Variants in ANXA8 observed in about 807,000 individuals in gnomAD.
ANXA8 encodes the protein annexin A8.
ANXA8 carries 9 observed loss-of-function variants against 26.8 expected under a neutral mutation model. The observed-to-expected ratio is 0.34, with a 90% CI of 0.20 to 0.59. ANXA8 has a LOEUF of 0.59. ANXA8 is among the 20% of genes least tolerant of loss of function. The probability of loss-of-function intolerance (pLI) is 0.84; values close to 1 mark genes in which losing one functional copy is unlikely to be tolerated. For missense variants in ANXA8, 83 were observed against 238.5 expected (o/e 0.35, Z 4.29); for synonymous variants, 39 against 94.8 (o/e 0.41, Z 3.42).
the ANXA8 span, among the ~76,000 whole-genome samples, chr10:47,668,969 G>A: frequency 1.3e-5 from 2 of 151,784 alleles, no homozygotes; most frequent in African/African-American, 2.4e-5. Context: ...GGTGGGAGGA[G>A]GTCTGTATGC....
At chr10:47,650,477 C>G in the ANXA8 span, among the ~76,000 whole-genome samples, 1 of 151,846 alleles carries the variant, frequency 6.6e-6, no homozygotes. Context: ...AAAGAACTAT[C>G]ACAGCTCCAT....
the ANXA8 span, among the ~76,000 whole-genome samples, chr10:47,503,936 TCAAAAAAA>T: frequency 7.7e-5 from 1 of 12,912 alleles, no homozygotes; most frequent in Non-Finnish European, 1.2e-4. Flanking sequence ...AGAGAGTCCA[TCAAAAAAA>T]AAAAAAAAAA....
chr10:47,702,319 T>C, the ANXA8 span, among the ~76,000 whole-genome samples: 16 of 151,336 alleles, frequency 1.1e-4, no homozygotes, highest in Non-Finnish European at 2.1e-4. Flanking sequence ...CAGATCTTCG[T>C]CTGTAAACAT....
At chr10:47,942,850 G>A in the ANXA8 span, among the ~76,000 whole-genome samples, 1 of 145,244 alleles carries the variant, frequency 6.9e-6, no homozygotes, top group Non-Finnish European at 1.5e-5. Flanking sequence ...GGAGCCTTTA[G>A]TGGGGAGCCA....
chr10:47,497,320 A>AC, the ANXA8 span, among the ~76,000 whole-genome samples: 2 of 17,298 alleles, frequency 1.2e-4, no homozygotes, highest in African/African-American at 1.3e-3. Flanking sequence ...AGTCCATCAC[A>AC]AAAAAAAAAA....
the ANXA8 span, among the ~76,000 whole-genome samples, chr10:47,544,698 C>A: frequency 1.6e-5 from 2 of 128,896 alleles, no homozygotes; most frequent in African/African-American, 5.7e-5. Context: ...CTTATTAGAA[C>A]CACACAGAGG....
the ANXA8 span, among the ~76,000 whole-genome samples, chr10:47,900,948 T>C: frequency 6.8e-6 from 1 of 147,538 alleles, no homozygotes; most frequent in Non-Finnish European, 1.5e-5. Flanking sequence ...AATTCAGACA[T>C]ATTGAGAAAA....
chr10:47,655,972 A>T, the ANXA8 span, among the ~76,000 whole-genome samples: 3 of 152,046 alleles, frequency 2.0e-5, no homozygotes, highest in Admixed American at 6.6e-5. Flanking sequence ...GTGAGCCGAG[A>T]TTGCACCATT....
At chr10:47,744,159 G>C in the ANXA8 span, among the ~76,000 whole-genome samples, 5 of 148,432 alleles carry the variant, frequency 3.4e-5, no homozygotes, top group Admixed American at 6.8e-5. Context: ...GTGCTGCACC[G>C]GCAGGAGCGG....
At chr10:47,972,063 AAAC>A in the ANXA8 span, among the ~76,000 whole-genome samples, 1 of 105,124 alleles carries the variant, frequency 9.5e-6, no homozygotes, top group Non-Finnish European at 1.9e-5. Flanking sequence ...TCCACCTAAG[AAAC>A]AACAAGAGAT....
the ANXA8 span, among the ~76,000 whole-genome samples, chr10:47,687,037 G>T: frequency 5.4e-4 from 82 of 151,578 alleles, 6 homozygotes; most frequent in Non-Finnish European, 2.9e-5. Context: ...CCAGCAGCTT[G>T]AGGCTGCAGT....
chr10:47,584,072 CGGGAGGCTGA>C, the ANXA8 span, among the ~76,000 whole-genome samples: 1 of 145,116 alleles, frequency 6.9e-6, no homozygotes, highest in Non-Finnish European at 1.5e-5. Flanking sequence ...CCCAGCTAGT[CGGGAGGCTGA>C]GGCACCAGCA....
chr10:47,699,278 G>T, the ANXA8 span, among the ~76,000 whole-genome samples: 1 of 144,096 alleles, frequency 6.9e-6, no homozygotes, highest in Non-Finnish European at 1.5e-5. Context: ...AACCTAGGAG[G>T]TGGAGGTTGC....
the ANXA8 span, among the ~76,000 whole-genome samples, chr10:47,750,156 A>C: frequency 6.6e-6 from 1 of 151,968 alleles, no homozygotes; most frequent in Non-Finnish European, 1.5e-5. Flanking sequence ...ATATCAGTAA[A>C]GACGTAGATA....
chr10:47,667,892 C>T, the ANXA8 span, among the ~76,000 whole-genome samples: 6 of 151,994 alleles, frequency 3.9e-5, no homozygotes, highest in South Asian at 2.1e-4. Context: ...TGTACCACCA[C>T]GACTGGCTAA....
chr10:47,503,937 C>CAAAAA, the ANXA8 span, among the ~76,000 whole-genome samples: 11 of 23,438 alleles, frequency 4.7e-4, no homozygotes, highest in Non-Finnish European at 5.4e-4. Flanking sequence ...GAGAGTCCAT[C>CAAAAA]AAAAAAAAAA....
the ANXA8 span, among the ~76,000 whole-genome samples, chr10:47,693,391 G>C: frequency 6.6e-6 from 1 of 150,946 alleles, no homozygotes; most frequent in Non-Finnish European, 1.5e-5. Flanking sequence ...CCGGGTTCAC[G>C]CCATTTTCCT....
the ANXA8 span, among the ~76,000 whole-genome samples, chr10:47,660,387 C>G: frequency 6.0e-5 from 9 of 150,970 alleles, no homozygotes; most frequent in African/African-American, 2.0e-4. Flanking sequence ...GTGGTATTTT[C>G]TTTCTTTCTT....
chr10:47,639,847 G>A, the ANXA8 span, among the ~76,000 whole-genome samples: 11 of 140,536 alleles, frequency 7.8e-5, no homozygotes, highest in East Asian at 2.2e-3. Flanking sequence ...GCATTATCTC[G>A]ACTCACTGCA....
Sources: allele counts gnomAD v4.1 joint callset (sites outside exome capture counted in the v4.1 genomes callset), GRCh38; gene constraint gnomAD v4.1.1; transcripts MANE v1.5; gene names NCBI Gene and HGNC (gene_info 2026-07-23, HGNC 2026-07-21).